The following NPRL3 variants were observed in gnomAD, a reference collection of about 807,000 sequenced individuals.
NPRL3 encodes the protein NPR3 like, GATOR1 complex subunit, also known as GATOR1 complex protein NPRL3.
NPRL3 carries 23 observed loss-of-function variants against 57.2 expected under a neutral mutation model. That is an observed-to-expected ratio of 0.40 (90% confidence interval 0.29 to 0.57). NPRL3 has a LOEUF of 0.57. Ranked by LOEUF, NPRL3 falls within the 20% of genes least tolerant of loss-of-function variation. The pLI, the probability that NPRL3 is intolerant of heterozygous loss-of-function variation, is 0.42. For synonymous variants in NPRL3, 333 were observed against 321.1 expected (o/e 1.04, Z -0.39); for missense variants, 691 against 767.1 (o/e 0.90, Z 1.17).
At position 110,847 on chromosome 16, in the gene NPRL3, G is replaced by A. The variant is rs150803001; in HGVS notation, c.548-241C>T. ...TTATAAGCATGAGCCACCACGCCTG[G>A]CCTAGACCTGCTAATTTTAAAATTT... On this transcript the variant is annotated intron_variant, in intron 6 of 13. Coordinates refer to ENST00000611875, the MANE Select transcript of NPRL3 (RefSeq NM_001077350.3). Among the ~76,000 whole-genome samples the A allele has an allele frequency of 1.9e-3, 293 of 152,238 alleles. 3 individuals carry two copies. Among genetic ancestry groups the A allele is most frequent in the African/African-American group, 6.6e-3 (276 of 41,516 alleles).
intron 2 of NPRL3, among the ~76,000 whole-genome samples, chr16:132,060 C>T (rs567961704): frequency 5.3e-5 from 8 of 149,662 alleles, no homozygotes; most frequent in South Asian, 2.1e-4. Context: ...GACTGGAGTG[C>T]GGTGGTGTGA....
At chr16:93,552 C>G (rs1415652811) in intron 9 of NPRL3, among the ~76,000 whole-genome samples, 2 of 150,758 alleles carry the variant, frequency 1.3e-5, no homozygotes, top group East Asian at 1.9e-4. Context: ...ACAGCACTTT[C>G]TGTGAGCAAT....
At chr16:108,458 T>G (rs1426006223) in intron 7 of NPRL3, among the ~76,000 whole-genome samples, 2 of 151,860 alleles carry the variant, frequency 1.3e-5, no homozygotes, top group Non-Finnish European at 2.9e-5. Context: ...AACACAACAT[T>G]ACAAATGCCA....
intron 10 of NPRL3, 148 bp downstream of exon 10, chr16:93,071 C>T: frequency 1.5e-6 from 1 of 659,282 alleles, no homozygotes. Flanking sequence ...ATGCTAGTGG[C>T]CAGGAGTTAG....
At chr16:130,097 C>T (rs1348805036) in intron 3 of NPRL3, among the ~76,000 whole-genome samples, 1 of 152,174 alleles carries the variant, frequency 6.6e-6, no homozygotes, top group Non-Finnish European at 1.5e-5. Context: ...CTGCCCATAT[C>T]ACCACCTGAG....
chr16:129,831 G>T (rs916098717), intron 3 of NPRL3, among the ~76,000 whole-genome samples: 3 of 152,112 alleles, frequency 2.0e-5, no homozygotes, highest in Non-Finnish European at 4.4e-5. Flanking sequence ...CTCCACACAG[G>T]CCTTGTCTGT....
chr16:95,701 C>G (rs981316847), intron 9 of NPRL3, among the ~76,000 whole-genome samples: 3 of 152,124 alleles, frequency 2.0e-5, no homozygotes, highest in Non-Finnish European at 2.9e-5. Flanking sequence ...TCCTGAGTAG[C>G]TGGGACCATG....
Position 100,465 on chromosome 16 carries a change from A to T in NPRL3, c.674T>A (p.Leu225Gln). The change falls in exon 8 of 14, where the codon CTG becomes CAG. Residue 225 changes from leucine (L) to glutamine (Q), a missense_variant. Transcript: ENST00000611875. Reference protein sequence around the residue: ...GVVRLHINSWLEVSFCLPHKI... With the variant: ...GVVRLHINSWQEVSFCLPHKI... ...GTGGGGCAGGCAGAAGCTCACCTCC[A>T]GCCAGCTGTTGATGTGAAGCCGAAC... is the stretch of plus-strand genomic sequence containing the variant. The T allele has an allele frequency of 1.2e-6, 2 of 1,605,456 alleles. No homozygotes were observed. Among genetic ancestry groups the T allele is most frequent in the Non-Finnish European group, 1.7e-6 (2 of 1,176,802 alleles).
Position 85,524 on chromosome 16 carries a change from G to A in NPRL3, c.*1181C>T, listed in dbSNP as rs200772943. ...CGTGTCCTCAAGGACCGCGAGCTCTGCAGTGGCCCCTCCAAGCTGTGCCAG... is the reference window on the plus strand; with the variant it reads ...CGTGTCCTCAAGGACCGCGAGCTCTACAGTGGCCCCTCCAAGCTGTGCCAG... On this transcript the variant is annotated 3_prime_UTR_variant, in exon 14 of 14. Coordinates refer to ENST00000611875, the MANE Select transcript of NPRL3 (RefSeq NM_001077350.3). 9.2e-5 allele frequency: 148 copies of A among 1,613,302 alleles called. No homozygotes were observed. The highest frequency in any genetic ancestry group is 6.1e-5 in the Non-Finnish European group (72 of 1,180,052).
chr16:89,420 C>T (rs1282159476), intron 12 of NPRL3: 2 of 401,172 alleles, frequency 5.0e-6, no homozygotes, highest in African/African-American at 4.2e-5. Context: ...GTATGAGATC[C>T]TGCTCTGCTC....
chr16:112,205 T>C (rs1383744481), intron 6 of NPRL3, among the ~76,000 whole-genome samples: 6 of 152,364 alleles, frequency 3.9e-5, no homozygotes, highest in African/African-American at 1.2e-4. Context: ...ACGGTGATCA[T>C]GCAGCAGTGT....
chr16:97,011 G>A (rs1899038814), intron 9 of NPRL3, among the ~76,000 whole-genome samples: 2 of 152,236 alleles, frequency 1.3e-5, no homozygotes, highest in Admixed American at 1.3e-4. Context: ...AGCTCAGCCA[G>A]AGGGACCCAG....
rs1393548798 is a variant in NPRL3, at chr16:123,024, C to T, written c.189-3769G>A. 2.6e-5 allele frequency among the ~76,000 whole-genome samples: 4 copies of T among 152,346 alleles called. No homozygotes were observed. The East Asian group carries it at 7.7e-4, about 29-fold the overall frequency. On this transcript the variant is annotated intron_variant, in intron 3 of 13. Transcript: ENST00000611875. ...AGAACATTTCTGCCTCTATTAAGCA[C>T]ACTCAATAGCATCTAGGCCTGAGCA...
chr16:103,777 G>A (rs562964361), intron 7 of NPRL3, among the ~76,000 whole-genome samples: 11 of 152,206 alleles, frequency 7.2e-5, no homozygotes, highest in East Asian at 3.9e-4. Context: ...TCAGGAGTTC[G>A]AGACCAGCCT....
Position 85,792 on chromosome 16 carries a change from C to A in NPRL3, c.*913G>T, listed in dbSNP as rs774856649. ...CACAGGCCTGAGCAAAGGGCCTGCC[C>A]AGACAAGATTTTTTAATTGTTTAAA... On this transcript the variant is annotated 3_prime_UTR_variant, in exon 14 of 14. Transcript: ENST00000611875. 48 of 1,464,972 alleles carry A rather than the reference C, an allele frequency of 3.3e-5. No individual in the cohort carries two copies. Among genetic ancestry groups the A allele is most frequent in the Non-Finnish European group, 4.2e-5 (47 of 1,106,438 alleles). The allele number at this position is 1,464,972 out of a possible 1,614,324, so 90.7% of individuals were successfully genotyped here.
chr16:93,177 T>G (rs1438140875), intron 10 of NPRL3, 42 bp downstream of exon 10: 1 of 1,331,516 alleles, frequency 7.5e-7, no homozygotes, highest in Non-Finnish European at 1.1e-6. Context: ...CCTCACCCCT[T>G]CCCACTCGGG....
At position 86,694 on chromosome 16, in the gene NPRL3, T is replaced by C. The variant is rs1185387176; in HGVS notation, c.*11A>G. The C allele has an allele frequency of 1.3e-6, 2 of 1,544,460 alleles. No individual in the cohort carries two copies. Among genetic ancestry groups the C allele is most frequent in the Admixed American group, 3.9e-5 (2 of 50,974 alleles). On this transcript the variant is annotated 3_prime_UTR_variant, in exon 14 of 14. Coordinates refer to ENST00000611875, the MANE Select transcript of NPRL3 (RefSeq NM_001077350.3). ...TGCGCACCCCAGCAGCCTTCCGCCC[T>C]CCGCCTGGGCTCAGGGGAGCAGAGC...
In NPRL3 at chr16:86,723, G is replaced by C; in HGVS notation, c.1692C>G (p.Phe564Leu). 1 of 1,561,698 alleles carries C rather than the reference G, an allele frequency of 6.4e-7. No homozygotes were observed. Among genetic ancestry groups the C allele is most frequent in the Non-Finnish European group, 8.7e-7 (1 of 1,154,016 alleles). ...CCTGGGCTCAGGGGAGCAGAGCCTG[G>C]AAGACGGCAATGACAGGGTCCTCGT... ...TTHEDPVIAV[F>L]QALLP The change falls in exon 14 of 14, where the codon TTC (phenylalanine) becomes TTG (leucine). Residue 564 changes from phenylalanine to leucine, a missense_variant. Transcript: ENST00000611875.
At chr16:99,969 AAAAAAAAAGAAAAAGAAAAAAAAAAG>A in intron 8 of NPRL3, among the ~76,000 whole-genome samples, 2 of 132,598 alleles carry the variant, frequency 1.5e-5, no homozygotes, top group Middle Eastern at 7.2e-3. Flanking sequence ...CAAAAAAAAA[AAAAAAAAAGAAAAAGAAAAAAAAAAG>A]AAAAAGAAAA....
Sources: gnomAD v4.1 joint callset for allele counts (sites outside exome capture counted in the v4.1 genomes callset) on GRCh38, gnomAD v4.1.1 for gene constraint, MANE v1.5 for transcripts, NCBI Gene and HGNC (gene_info 2026-07-23, HGNC 2026-07-21) for gene names.